GTSF1: variants seen among roughly 807,000 people sequenced by gnomAD.
GTSF1 encodes the protein gametocyte specific factor 1, also known as gametocyte-specific factor 1.
Under a neutral mutation model 28.9 loss-of-function variants are expected in GTSF1, and 11 were observed. The ratio of observed to expected loss-of-function variants is 0.38; its 90% CI spans 0.24 to 0.63. The LOEUF is 0.63. GTSF1 is among the 30% of genes least tolerant of loss of function. The pLI, the probability that GTSF1 is intolerant of heterozygous loss-of-function variation, is 0.56. For synonymous variants in GTSF1, 69 were observed against 65.6 expected (o/e 1.05, Z -0.25); for missense variants, 146 against 201.0 (o/e 0.73, Z 1.66).
intron 2 of GTSF1, 22 bp from the exon 3 acceptor site, chr12:54,465,189 G>A: frequency 3.2e-6 from 5 of 1,562,600 alleles, no homozygotes; most frequent in Non-Finnish European, 4.4e-6. Context: ...AAGTGTTTCA[G>A]TAGGTAAAAC....
At chr12:54,459,274 A>T (rs1956382562) in intron 7 of GTSF1, 149 bp from the exon 8 acceptor site, 1 of 1,431,784 alleles carries the variant, frequency 7.0e-7, no homozygotes, top group African/African-American at 1.4e-5. Flanking sequence ...ATCAGATTTC[A>T]TTCAAGAGCA....
chr12:54,468,285 A>C (rs947743411), intron 2 of GTSF1, among the ~76,000 whole-genome samples: 6 of 151,466 alleles, frequency 4.0e-5, no homozygotes, highest in Non-Finnish European at 8.8e-5. Flanking sequence ...ACACCTGTTT[A>C]ATTTTTTGTA....
intron 7 of GTSF1, 94 bp from the exon 8 acceptor site, chr12:54,459,219 G>A (rs1016183319): frequency 5.5e-6 from 8 of 1,456,222 alleles, no homozygotes; most frequent in Non-Finnish European, 7.5e-6. Flanking sequence ...TTATTCCTGT[G>A]TATACTGAAT....
chr12:54,462,812 G>A, intron 4 of GTSF1, 87 bp from the exon 5 acceptor site: 2 of 1,045,892 alleles, frequency 1.9e-6, no homozygotes, highest in South Asian at 2.8e-5. Context: ...AGGTTGCAAG[G>A]GTAGCCTGTT....
At position 54,462,111 on chromosome 12, in the gene GTSF1, G is replaced by A. The variant is rs973080819; in HGVS notation, c.390C>T (p.Asn130=). Residue 130 remains asparagine (N), a splice_region_variant and synonymous_variant, in exon 6 of 9, where the codon AAC becomes AAT. Coordinates refer to ENST00000305879, the MANE Select transcript of GTSF1 (RefSeq NM_144594.3). ...TGGGATAAGACTATTTCATTTACCT[G>A]TTGTTGTCAGAGTAGTGAGTTGTGC... The part of the protein sequence containing the change: ...VWGTTHYSDN[N]SPASNIVTEH... The A allele has an allele frequency of 1.2e-6, 2 of 1,611,004 alleles. No individual in the cohort carries two copies. Among genetic ancestry groups the A allele is most frequent in the African/African-American group, 2.7e-5 (2 of 74,846 alleles).
Position 54,469,111 on chromosome 12 carries a change from G to A in GTSF1, c.16+2122C>T, listed in dbSNP as rs60959031. On this transcript the variant is annotated intron_variant, in intron 2 of 8. Transcript: ENST00000305879. Reference sequence around the variant, plus strand: ...TTTAATTTTTTTGAGACGGAGTCTCGGTCTGTCGCCAGGCTGGAGTGCAGT... The same window carrying A: ...TTTAATTTTTTTGAGACGGAGTCTCAGTCTGTCGCCAGGCTGGAGTGCAGT... Among the ~76,000 whole-genome samples, 283 of 152,078 alleles carry A rather than the reference G, an allele frequency of 1.9e-3. 1 individual carries two copies. The highest frequency in any genetic ancestry group is 6.5e-3 in the African/African-American group (270 of 41,504).
In GTSF1 at chr12:54,459,577, A is replaced by C. The variant is rs1195701212; in HGVS notation, c.488-452T>G. On this transcript the variant is annotated intron_variant, in intron 7 of 8. Transcript: ENST00000305879. ...CAAATTTAGTACTTGTTTACCCAGC[A>C]TGACCTCTAAAGTCTGGGGAGGACA... 5.4e-6 allele frequency: 3 copies of C among 551,542 alleles called. No homozygotes were observed. The East Asian group carries it at 2.2e-4, about 40-fold the overall frequency. 34.2% of individuals were successfully genotyped at this position (551,542 alleles called of 1,614,324 possible).
At chr12:54,460,336 C>G (rs1279455241) in intron 7 of GTSF1, 41 bp downstream of exon 7, 1 of 1,387,302 alleles carries the variant, frequency 7.2e-7, no homozygotes, top group East Asian at 2.3e-5. Flanking sequence ...GTATTTAGCA[C>G]AATGAAAAGA....
intron 2 of GTSF1, among the ~76,000 whole-genome samples, chr12:54,466,128 A>G (rs187744126): frequency 1.1e-3 from 169 of 152,366 alleles, no homozygotes; most frequent in African/African-American, 3.9e-3. Flanking sequence ...CTTAGGCTAT[A>G]CAAGATGACC....
intron 1 of GTSF1, chr12:54,472,568 T>C (rs1301849320): frequency 1.3e-5 from 2 of 152,236 alleles, no homozygotes; most frequent in African/African-American, 4.8e-5. Context: ...AATACATTTA[T>C]TATTGTGGGA....
At chr12:54,471,410 C>T (rs1171408746) in intron 1 of GTSF1, 133 bp from the exon 2 acceptor site, 1 of 491,244 alleles carries the variant, frequency 2.0e-6, no homozygotes, top group Admixed American at 4.1e-5. Flanking sequence ...TCCCCACTCC[C>T]CCCAATATTT....
In GTSF1 at chr12:54,461,891, C is replaced by T. The variant is rs113308104; in HGVS notation, c.392+218G>A. On this transcript the variant is annotated intron_variant, in intron 6 of 8. Coordinates refer to ENST00000305879, the MANE Select transcript of GTSF1 (RefSeq NM_144594.3). ...TGGGGCTACTGTTTCCCTTGCTAAA[C>T]GATAATGTATTTTTGTATCCCTTAT... Among the ~76,000 whole-genome samples the T allele has an allele frequency of 3.0e-3, 449 of 152,188 alleles. 3 individuals carry two copies. The highest frequency in any genetic ancestry group is 0.01 in the African/African-American group (428 of 41,546).
intron 2 of GTSF1, among the ~76,000 whole-genome samples, chr12:54,470,892 C>A (rs557345308): frequency 6.6e-6 from 1 of 152,076 alleles, no homozygotes; most frequent in Admixed American, 6.5e-5. Context: ...ATTTCTTATC[C>A]TAAAAACTAA....
intron 8 of GTSF1, among the ~76,000 whole-genome samples, chr12:54,458,712 T>C (rs185172523): frequency 7.9e-5 from 12 of 152,034 alleles, no homozygotes; most frequent in African/African-American, 2.9e-4. Flanking sequence ...AAAGTATGAA[T>C]TTTTTGATGA....
chr12:54,467,842 C>T (rs536357674), intron 2 of GTSF1, among the ~76,000 whole-genome samples: 23 of 150,792 alleles, frequency 1.5e-4, no homozygotes, highest in African/African-American at 5.1e-4. Flanking sequence ...TGGCGAATCT[C>T]GGCTCACTGC....
At chr12:54,460,500 G>C (rs756360313) in intron 6 of GTSF1, 29 bp from the exon 7 acceptor site, 2 of 1,494,482 alleles carry the variant, frequency 1.3e-6, no homozygotes, top group Non-Finnish European at 1.9e-6. Context: ...GGCTATGTCG[G>C]CAGATCAGTA....
At chr12:54,459,887 C>T (rs1269869511) in intron 7 of GTSF1, among the ~76,000 whole-genome samples, 2 of 143,502 alleles carry the variant, frequency 1.4e-5, no homozygotes, top group East Asian at 4.0e-4. Flanking sequence ...CCACTACGCC[C>T]GGCTAATTTT....
chr12:54,459,400 C>T, intron 7 of GTSF1: 1 of 1,380,392 alleles, frequency 7.2e-7, no homozygotes, highest in Non-Finnish European at 9.5e-7. Flanking sequence ...ATCCTCTAGC[C>T]ACCTAAAAAT....
intron 7 of GTSF1, 114 bp from the exon 8 acceptor site, chr12:54,459,239 A>G: frequency 1.4e-6 from 2 of 1,422,958 alleles, no homozygotes; most frequent in Non-Finnish European, 1.9e-6. Context: ...TTATAATATA[A>G]AAGTAGAAGA....
Sources: gnomAD v4.1 joint callset for allele counts (sites outside exome capture counted in the v4.1 genomes callset) on GRCh38, gnomAD v4.1.1 for gene constraint, MANE v1.5 for transcripts, NCBI Gene and HGNC (gene_info 2026-07-23, HGNC 2026-07-21) for gene names.